UMODL1: variants seen among roughly 807,000 people sequenced by gnomAD.
UMODL1 encodes uromodulin like 1, also known as uromodulin-like 1.
UMODL1 carries 128 observed loss-of-function variants against 136.3 expected under a neutral mutation model. That is an observed-to-expected ratio of 0.94 (90% CI 0.81 to 1.09). UMODL1 has a LOEUF of 1.09. UMODL1 is among the 50% of genes least tolerant of loss of function. The pLI, the probability that UMODL1 is intolerant of heterozygous loss-of-function variation, is 0.00. For synonymous variants in UMODL1, 721 were observed against 720.0 expected, an observed-to-expected ratio of 1.00 and a Z score of -0.02; for missense variants, 1,766 against 1,725.6, an observed-to-expected ratio of 1.02 and a Z score of -0.41.
chr21:42,126,539 A>G, intron 18 of UMODL1, 49 bp downstream of exon 18: 2 of 1,612,864 alleles, frequency 1.2e-6, no homozygotes, highest in Non-Finnish European at 1.7e-6. Context: ...CCTCCAGACC[A>G]CCTGCGCTTT....
chr21:42,111,648 C>T lies in UMODL1; in HGVS notation c.2042C>T (p.Pro681Leu), dbSNP rs2146505904. 6.2e-7 allele frequency: 1 copy of T among 1,614,050 alleles called. No individual in the cohort carries two copies. The highest frequency in any genetic ancestry group is 8.5e-7 in the Non-Finnish European group (1 of 1,179,998). Residue 681 changes from proline (P) to leucine (L), a missense_variant, in exon 12 of 23, where the codon CCC becomes CTC. By Grantham distance (98) the Pro-to-Leu change is moderately conservative (BLOSUM62 -3). Coordinates refer to ENST00000408910, the MANE Select transcript of UMODL1 (RefSeq NM_001004416.3). The stretch of plus-strand genomic sequence containing the variant: ...TGGCTGCGAAATGAGGACAGTGGAC[C>T]CTCCGGTTCTGTAGACCTGCCATTG... The part of the protein sequence containing the change: ...PTWLRNEDSG[P>L]SGSVDLPLTS...
At chr21:42,135,307 A>G (rs2067191087) in intron 21 of UMODL1, among the ~76,000 whole-genome samples, 1 of 152,348 alleles carries the variant, frequency 6.6e-6, no homozygotes, top group African/African-American at 2.4e-5. Flanking sequence ...CTTCTAGCTA[A>G]TCTGGCCATG....
intron 1 of UMODL1, among the ~76,000 whole-genome samples, chr21:42,073,024 G>A (rs970991503): frequency 6.0e-5 from 9 of 150,410 alleles, no homozygotes; most frequent in African/African-American, 1.2e-4. Flanking sequence ...GTGTGTGTGC[G>A]CGCGCGCGTG....
In UMODL1 at chr21:42,084,242, C is replaced by T; in HGVS notation, c.478C>T (p.Gln160Ter). ...GGRYCMAPAPQAPERDPVGSW... is the reference protein window; with the variant it reads ...GGRYCMAPAP ...GCGCTACTGCATGGCCCCTGCACCC[C>T]AAGGTAGGCTGCTGCGGGCCATGCT... is the stretch of plus-strand genomic sequence containing the variant. Residue 160 changes from glutamine to a stop codon, truncating the protein, a stop_gained, in exon 3 of 23, where the codon CAA becomes TAA. Transcript: ENST00000408910. LOFTEE classifies it high-confidence loss of function. 1 of 1,612,668 alleles carries T rather than the reference C, an allele frequency of 6.2e-7. No homozygotes were observed. Among genetic ancestry groups the T allele is most frequent in the Non-Finnish European group, 8.5e-7 (1 of 1,179,762 alleles).
chr21:42,066,556 C>T (rs1008683225), upstream of UMODL1, among the ~76,000 whole-genome samples: 3 of 152,272 alleles, frequency 2.0e-5, no homozygotes, highest in Middle Eastern at 6.8e-3. Flanking sequence ...AAACTGTCTC[C>T]TGGCCTCTCT....
chr21:42,115,991 T>C lies in UMODL1; in HGVS notation c.2475+6T>C. On this transcript the variant is annotated splice_donor_region_variant and intron_variant, in intron 14 of 22. Transcript: ENST00000408910. Reference sequence around the variant, plus strand: ...TAGAACTATTCTTCAGGATGGTGAGTTGGTGATATCAGCCCTTAATTCCTT... The same window carrying C: ...TAGAACTATTCTTCAGGATGGTGAGCTGGTGATATCAGCCCTTAATTCCTT... 1 of 1,607,072 alleles carries C rather than the reference T, an allele frequency of 6.2e-7. No homozygotes were observed. The highest frequency in any genetic ancestry group is 8.5e-7 in the Non-Finnish European group (1 of 1,174,556).
At chr21:42,113,966 G>A (rs146154480) in intron 13 of UMODL1, 136 bp downstream of exon 13, 45 of 1,275,240 alleles carry the variant, frequency 3.5e-5, no homozygotes, top group African/African-American at 3.5e-4. Context: ...AGGGACATCC[G>A]GCTGGCTTCA....
intron 20 of UMODL1, chr21:42,128,279 A>T (rs7282431): frequency 0.056 from 16,063 of 285,230 alleles, 865 homozygotes; most frequent in East Asian, 0.22. Context: ...TGCAGGGATA[A>T]TTTTACATTC....
intron 8 of UMODL1, 92 bp from the exon 9 acceptor site, chr21:42,103,776 G>A (rs2066670444): frequency 6.9e-7 from 1 of 1,448,484 alleles, no homozygotes; most frequent in South Asian, 1.2e-5. Flanking sequence ...GAGAGAAATG[G>A]CTCCAAGCAC....
intron 20 of UMODL1, among the ~76,000 whole-genome samples, chr21:42,128,899 A>C (rs1217554298): frequency 6.6e-6 from 1 of 152,188 alleles, no homozygotes; most frequent in East Asian, 1.9e-4. Context: ...TGAGCGGCTT[A>C]AACAGTGGAA....
intron 12 of UMODL1, among the ~76,000 whole-genome samples, chr21:42,112,713 G>C (rs1473743795): frequency 6.6e-6 from 1 of 152,018 alleles, no homozygotes; most frequent in Non-Finnish European, 1.5e-5. Context: ...TAGTTCCCCA[G>C]CTGTTCTTCA....
intron 18 of UMODL1, 134 bp from the exon 19 acceptor site, chr21:42,126,872 T>G: frequency 1.2e-6 from 1 of 802,626 alleles, no homozygotes; most frequent in East Asian, 2.4e-5. Flanking sequence ...GTGCTCTCGT[T>G]TGGGGTTGAG....
In UMODL1 at chr21:42,119,307, G is replaced by A; in HGVS notation, c.2672G>A (p.Gly891Asp). Residue 891 changes from glycine to aspartate, a missense_variant, in exon 15 of 23, where the codon GGC (glycine) becomes GAC (aspartate). Transcript: ENST00000408910. ...QTVPLLEVIRGDTFIQDYDEC... is the reference protein window; with the variant it reads ...QTVPLLEVIRDDTFIQDYDEC... Reference sequence around the variant, plus strand: ...GTGCCTCTGCTGGAGGTGATCAGAGGCGACACCTTCATACAGGGTACGAGA... The same window carrying A: ...GTGCCTCTGCTGGAGGTGATCAGAGACGACACCTTCATACAGGGTACGAGA... The A allele has an allele frequency of 4.3e-6, 7 of 1,614,080 alleles. No homozygotes were observed. The highest frequency in any genetic ancestry group is 5.9e-6 in the Non-Finnish European group (7 of 1,180,024).
intron 21 of UMODL1, among the ~76,000 whole-genome samples, chr21:42,134,479 C>T (rs968950841): frequency 2.6e-5 from 4 of 152,242 alleles, no homozygotes; most frequent in South Asian, 2.1e-4. Context: ...GCAGGAAGGG[C>T]CTGGAGCAAT....
intron 21 of UMODL1, among the ~76,000 whole-genome samples, chr21:42,130,888 C>A (rs1437248905): frequency 6.6e-6 from 1 of 151,776 alleles, no homozygotes; most frequent in Admixed American, 6.6e-5. Context: ...CAGCTCACTG[C>A]AAGCTCTGCC....
rs1296077341 is a variant in UMODL1, at chr21:42,127,886, AC to A, written c.3690+56del. 1.3e-5 allele frequency: 21 copies of A among 1,604,970 alleles called. No individual in the cohort carries two copies. In the East Asian group the frequency reaches 4.7e-4, roughly 36 times the overall value. ...GGTTGGATTCACGTTCCTTATTGTT[AC>A]GGTTCGAGGCTCTGTTAATAAAAAC... is the stretch of plus-strand genomic sequence containing the variant. On this transcript the variant is annotated intron_variant, in intron 20 of 22. Transcript: ENST00000408910.
rs375095329 is a variant in UMODL1 at position 42,104,050 on chromosome 21, A to G, written c.1482A>G (p.Thr494=). The change falls in exon 9 of 23, where the codon ACA becomes ACG. Residue 494 remains threonine (T), a synonymous_variant. Transcript: ENST00000408910. ...APILQPLLAS[T]VFQIDRQGTR... ...TACTCCAGCCCCTGTTGGCAAGCACAGTGTTCCAGATTGACCGGCAGGGGA... is the reference window on the plus strand; with the variant it reads ...TACTCCAGCCCCTGTTGGCAAGCACGGTGTTCCAGATTGACCGGCAGGGGA... 1.8e-5 allele frequency: 29 copies of G among 1,613,752 alleles called. No individual in the cohort carries two copies. In the Middle Eastern group the frequency reaches 6.6e-4, roughly 37 times the overall value.
intron 2 of UMODL1, among the ~76,000 whole-genome samples, chr21:42,079,501 G>C (rs1022830548): frequency 3.3e-5 from 5 of 152,248 alleles, no homozygotes; most frequent in Admixed American, 6.5e-5. Flanking sequence ...GGCATGAGGG[G>C]AGGTGGACTC....
intron 1 of UMODL1, among the ~76,000 whole-genome samples, chr21:42,074,990 C>T (rs1297255960): frequency 3.3e-5 from 5 of 152,104 alleles, no homozygotes; most frequent in Non-Finnish European, 7.4e-5. Context: ...CAACCTCCGC[C>T]TCCTGGGTTC....
Sources: gnomAD v4.1 joint callset for allele counts (sites outside exome capture counted in the v4.1 genomes callset) on GRCh38, gnomAD v4.1.1 for gene constraint, MANE v1.5 for transcripts, NCBI Gene and HGNC (gene_info 2026-07-23, HGNC 2026-07-21) for gene names.